Variants in PCDHA1 observed in about 807,000 individuals in gnomAD.
The protein encoded by PCDHA1 is protocadherin alpha 1.
PCDHA1 carries 42 observed loss-of-function variants against 61.3 expected under a neutral mutation model. The ratio of observed to expected loss-of-function variants is 0.69; its 90% CI spans 0.54 to 0.89. The LOEUF (loss-of-function observed/expected upper bound fraction) is 0.89, where lower values mean the gene tolerates loss of function less well. Ranked by LOEUF, PCDHA1 falls within the 40% of genes least tolerant of loss-of-function variation. The pLI, the probability that PCDHA1 is intolerant of heterozygous loss-of-function variation, is 0.00. For synonymous variants in PCDHA1, 610 were observed against 553.8 expected (o/e 1.10, Z -1.43); for missense variants, 1,256 against 1,235.3 (o/e 1.02, Z -0.25).
chr5:140,841,357 G>A (rs1554138130), intron 1 of PCDHA1: 1 of 1,612,940 alleles, frequency 6.2e-7, no homozygotes, highest in South Asian at 1.1e-5. Context: ...TGGGATCCTG[G>A]CGACTACTAC....
intron 1 of PCDHA1, chr5:140,807,670 T>C (rs557317357): frequency 6.2e-7 from 1 of 1,614,204 alleles, no homozygotes; most frequent in Admixed American, 1.7e-5. Flanking sequence ...CGGATGCAGA[T>C]ATCGGGGAGA....
rs782709971 is a variant in PCDHA1 at position 140,786,996 on chromosome 5, AATG to A, written c.709_711del (p.Asp237del). Reference sequence around the variant, plus strand: ...GCTGCTGATCACCGTCCTCGACGTTAATGATAACGCCCCACTGTTTGACCAGGC... The same window carrying A: ...GCTGCTGATCACCGTCCTCGACGTTAATAACGCCCCACTGTTTGACCAGGC... On this transcript the variant is annotated inframe_deletion, in exon 1 of 4. Coordinates refer to ENST00000504120, the MANE Select transcript of PCDHA1 (RefSeq NM_018900.4). 1.2e-5 allele frequency: 19 copies of A among 1,614,042 alleles called. No homozygotes were observed. Among genetic ancestry groups the A allele is most frequent in the Non-Finnish European group, 1.4e-5 (17 of 1,180,022 alleles).
At chr5:140,875,278 T>A in intron 1 of PCDHA1, 1 of 1,326,774 alleles carries the variant, frequency 7.5e-7, no homozygotes, top group Non-Finnish European at 9.9e-7. Context: ...ACTCAGAAGG[T>A]GAAACAGGAA....
At chr5:140,792,653 G>A (rs1481197504) in intron 1 of PCDHA1, among the ~76,000 whole-genome samples, 3 of 152,140 alleles carry the variant, frequency 2.0e-5, no homozygotes, top group Non-Finnish European at 4.4e-5. Flanking sequence ...TGAATATCCG[G>A]TATAATTAAT....
chr5:140,858,677 T>C (rs1480959792), intron 1 of PCDHA1: 2 of 629,026 alleles, frequency 3.2e-6, no homozygotes, highest in South Asian at 4.5e-5. Flanking sequence ...TTATTCTGAA[T>C]ACACTAATAT....
At chr5:140,968,591 G>A (rs1289458266) in intron 1 of PCDHA1, 3 of 1,614,098 alleles carry the variant, frequency 1.9e-6, no homozygotes, top group Non-Finnish European at 2.5e-6. Flanking sequence ...CAAAGTCATA[G>A]CTATGGACTC....
At chr5:140,924,715 C>T (rs1258622619) in intron 1 of PCDHA1, among the ~76,000 whole-genome samples, 5 of 151,692 alleles carry the variant, frequency 3.3e-5, no homozygotes, top group African/African-American at 7.3e-5. Context: ...TGCAACATGG[C>T]GAAACCTCAC....
rs2150490057 is a variant in PCDHA1, at chr5:140,850,579, A to G, written c.2394+61895A>G. On this transcript the variant is annotated intron_variant, in intron 1 of 3. Transcript: ENST00000504120. ...ACGGGCCCCGAGGTGACGCTGGTGG[A>G]TGTCAACGTGTACCTGATCATCGCC... 24 of 1,598,000 alleles carry G rather than the reference A, an allele frequency of 1.5e-5. 1 individual carries two copies. The East Asian group carries it at 3.6e-4, about 24-fold the overall frequency.
At chr5:140,982,711 A>T (rs370595783) in intron 3 of PCDHA1, 148 bp downstream of exon 3, 2 of 1,370,268 alleles carry the variant, frequency 1.5e-6, no homozygotes, top group African/African-American at 2.9e-5. Context: ...TTCCTTACAT[A>T]TATGATTATT....
At chr5:140,791,844 GT>G (rs1481499130) in intron 1 of PCDHA1, among the ~76,000 whole-genome samples, 2 of 152,012 alleles carry the variant, frequency 1.3e-5, no homozygotes, top group African/African-American at 4.8e-5. Context: ...TCTTCTAGTA[GT>G]TTTGTGAAAG....
chr5:140,795,264 G>A (rs1014240887), intron 1 of PCDHA1: 13 of 1,614,268 alleles, frequency 8.1e-6, no homozygotes, highest in Middle Eastern at 1.7e-4. Flanking sequence ...GGCGGAGCGC[G>A]GAATGTAGCA....
At chr5:140,809,393 A>G (rs1764450776) in intron 1 of PCDHA1, 1 of 1,613,980 alleles carries the variant, frequency 6.2e-7, no homozygotes, top group Non-Finnish European at 8.5e-7. Flanking sequence ...CGCTCCGGGC[A>G]AGCCCACGCT....
In PCDHA1 at chr5:140,883,265, C is replaced by G. The variant is rs782741439; in HGVS notation, c.2394+94581C>G. 4.5e-5 allele frequency: 73 copies of G among 1,613,790 alleles called. No homozygotes were observed. The highest frequency in any genetic ancestry group is 6.0e-5 in the Non-Finnish European group (71 of 1,179,996). ...CAAAGGAAATATTCCAATGGCGGGTCATTGTACCCTTTTGGTGGAAGTACT... is the reference window on the plus strand; with the variant it reads ...CAAAGGAAATATTCCAATGGCGGGTGATTGTACCCTTTTGGTGGAAGTACT... On this transcript the variant is annotated intron_variant, in intron 1 of 3. Transcript: ENST00000504120.
At chr5:140,824,128 G>A (rs1554129741) in intron 1 of PCDHA1, 54 of 1,612,826 alleles carry the variant, frequency 3.3e-5, no homozygotes, top group Non-Finnish European at 4.3e-5. Context: ...TACAGACAAC[G>A]TGAGTTTTCT....
At chr5:140,895,636 T>C (rs1554186575) in intron 1 of PCDHA1, among the ~76,000 whole-genome samples, 1 of 152,178 alleles carries the variant, frequency 6.6e-6, no homozygotes, top group Non-Finnish European at 1.5e-5. Context: ...TTTCACATTC[T>C]TTTTTAGCTC....
intron 3 of PCDHA1, among the ~76,000 whole-genome samples, chr5:140,996,580 C>T (rs1351485354): frequency 6.6e-6 from 1 of 152,130 alleles, no homozygotes; most frequent in African/African-American, 2.4e-5. Context: ...AATTTGTTAA[C>T]AAGGGCCGCC....
intron 1 of PCDHA1, chr5:140,854,000 CAA>C (rs112540154): frequency 4.4e-4 from 155 of 351,630 alleles, no homozygotes; most frequent in Middle Eastern, 1.4e-3. Flanking sequence ...TCATCTCTGC[CAA>C]AAAAAAAAAA....
At position 140,905,743 on chromosome 5, in the gene PCDHA1, C is replaced by G. The variant is rs550937383; in HGVS notation, c.2395-73206C>G. On this transcript the variant is annotated intron_variant, in intron 1 of 3. Coordinates refer to ENST00000504120, the MANE Select transcript of PCDHA1 (RefSeq NM_018900.4). ...GTTTTGTAGTTTTCCTTGTAGAGAT[C>G]TTTCACCTCCTTGGTTAAGTATATT... Among the ~76,000 whole-genome samples, 7 of 152,232 alleles carry G rather than the reference C, an allele frequency of 4.6e-5. No individual in the cohort carries two copies. In the South Asian group the frequency reaches 1.0e-3, roughly 23 times the overall value.
intron 1 of PCDHA1, among the ~76,000 whole-genome samples, chr5:140,874,110 C>T (rs115562650): frequency 0.024 from 3,605 of 152,160 alleles, 51 homozygotes; most frequent in Middle Eastern, 0.034. Flanking sequence ...AATTACTTAA[C>T]GTTTTATAGT....
Sources: allele counts gnomAD v4.1 joint callset (sites outside exome capture counted in the v4.1 genomes callset), GRCh38; gene constraint gnomAD v4.1.1; transcripts MANE v1.5; gene names NCBI Gene and HGNC (gene_info 2026-07-23, HGNC 2026-07-21).